RAD51B: variants seen among roughly 807,000 people sequenced by gnomAD.
The protein encoded by RAD51B is DNA repair protein RAD51 homolog 2.
Under a neutral mutation model 42.2 loss-of-function variants are expected in RAD51B, and 38 were observed. The ratio of observed to expected loss-of-function variants is 0.90; its 90% CI spans 0.70 to 1.18. RAD51B has a LOEUF of 1.18. RAD51B is among the 50% of genes most tolerant of loss of function. RAD51B has a pLI of 0.00. For missense variants in RAD51B, 373 were observed against 400.7 expected (o/e 0.93, Z 0.59); for synonymous variants, 154 against 145.2 (o/e 1.06, Z -0.43).
intron 7 of RAD51B, among the ~76,000 whole-genome samples, chr14:68,254,208 T>G (rs1259755502): frequency 6.6e-6 from 1 of 152,228 alleles, no homozygotes; most frequent in Non-Finnish European, 1.5e-5. Flanking sequence ...TGAATGATTT[T>G]GTGGAATCTC....
At chr14:67,919,959 C>CA (rs1555415440) in intron 7 of RAD51B, among the ~76,000 whole-genome samples, 2 of 151,056 alleles carry the variant, frequency 1.3e-5, no homozygotes, top group African/African-American at 4.9e-5. Context: ...GAAAAGAAAG[C>CA]TTTTTTTTTC....
At chr14:68,534,087 G>A (rs1310338253) in intron 10 of RAD51B, among the ~76,000 whole-genome samples, 1 of 152,196 alleles carries the variant, frequency 6.6e-6, no homozygotes, top group Admixed American at 6.5e-5. Context: ...TAACTGAGTG[G>A]TCAAAAAATT....
rs762758090 is a variant in RAD51B at position 67,825,488 on chromosome 14, G to T, written c.109G>T (p.Glu37Ter). Residue 37 changes from glutamate (E) to a stop codon, truncating the protein, a stop_gained, in exon 3 of 11, where the codon GAG (glutamate) becomes TAG (stop). Transcript: ENST00000471583. LOFTEE classifies it high-confidence loss of function. ...CQDFLCLSPL[E>*]LMKVTGLSYR... ...GGACTTTTTATGTCTTTCCCCACTG[G>T]AGCTTATGAAGGTGACTGGTCTGAG... 2 of 1,613,140 alleles carry T rather than the reference G, an allele frequency of 1.2e-6. No individual in the cohort carries two copies. The highest frequency in any genetic ancestry group is 1.1e-5 in the South Asian group (1 of 90,984).
chr14:67,896,653 T>C (rs1469596672), intron 7 of RAD51B, among the ~76,000 whole-genome samples: 1 of 152,218 alleles, frequency 6.6e-6, no homozygotes, highest in Non-Finnish European at 1.5e-5. Flanking sequence ...ATAAACAGTT[T>C]GAAATAGAAT....
chr14:68,435,467 A>G (rs1384831366), intron 9 of RAD51B, among the ~76,000 whole-genome samples: 1 of 150,210 alleles, frequency 6.7e-6, no homozygotes, highest in Non-Finnish European at 1.5e-5. Context: ...TGCTGCAATG[A>G]ACATCTAAGT....
At chr14:68,482,741 G>T (rs968806473), downstream of RAD51B, among the ~76,000 whole-genome samples, 8 of 152,222 alleles carry the variant, frequency 5.3e-5, no homozygotes, top group African/African-American at 1.7e-4. Context: ...AAGTGTGAGA[G>T]AAAACACACT....
At chr14:68,452,027 G>A (rs1182633727) in intron 9 of RAD51B, among the ~76,000 whole-genome samples, 2 of 152,212 alleles carry the variant, frequency 1.3e-5, no homozygotes, top group African/African-American at 4.8e-5. Flanking sequence ...GAAGGCCAGA[G>A]CTGCCTTGCC....
chr14:68,406,164 A>T (rs1369477517), intron 8 of RAD51B, among the ~76,000 whole-genome samples: 2 of 152,248 alleles, frequency 1.3e-5, no homozygotes, highest in African/African-American at 4.8e-5. Context: ...AGGCATGCTG[A>T]CATACATCAG....
At chr14:68,199,476 C>G (rs796198070) in intron 7 of RAD51B, among the ~76,000 whole-genome samples, 31 of 152,138 alleles carry the variant, frequency 2.0e-4, no homozygotes, top group African/African-American at 7.5e-4. Flanking sequence ...ACATTTATTC[C>G]CATTCAGTCT....
chr14:68,589,310 G>A (rs963006476), intron 10 of RAD51B, among the ~76,000 whole-genome samples: 9 of 152,186 alleles, frequency 5.9e-5, no homozygotes, highest in East Asian at 1.9e-4. Flanking sequence ...CAAACAGTGA[G>A]CATAGCCACC....
At chr14:68,630,925 A>G (rs889991586) in intron 10 of RAD51B, among the ~76,000 whole-genome samples, 1 of 152,074 alleles carries the variant, frequency 6.6e-6, no homozygotes, top group Non-Finnish European at 1.5e-5. Flanking sequence ...GTATTTGAAT[A>G]TTTTCTGGCA....
chr14:67,929,939 C>T (rs1010771680), intron 7 of RAD51B, among the ~76,000 whole-genome samples: 13 of 151,948 alleles, frequency 8.6e-5, no homozygotes, highest in Admixed American at 4.6e-4. Flanking sequence ...CAGGAGCCAT[C>T]GTGCCCAGCT....
At chr14:68,100,303 C>T (rs2077266771) in intron 7 of RAD51B, among the ~76,000 whole-genome samples, 1 of 152,150 alleles carries the variant, frequency 6.6e-6, no homozygotes, top group Non-Finnish European at 1.5e-5. Context: ...TGCAAAAACT[C>T]TGGCCTGTTG....
chr14:68,321,220 C>T (rs181600096), intron 8 of RAD51B, among the ~76,000 whole-genome samples: 24 of 152,150 alleles, frequency 1.6e-4, no homozygotes, highest in African/African-American at 4.8e-4. Context: ...ATGTTATGAT[C>T]TTCTCTCTTA....
At chr14:68,609,870 T>G (rs1891607537) in intron 10 of RAD51B, among the ~76,000 whole-genome samples, 1 of 151,972 alleles carries the variant, frequency 6.6e-6, no homozygotes, top group Non-Finnish European at 1.5e-5. Context: ...CACCCACCCT[T>G]TGCCTCCCCT....
intron 11 of RAD51B, among the ~76,000 whole-genome samples, chr14:68,674,290 A>C (rs1246980877): frequency 6.6e-6 from 1 of 152,164 alleles, no homozygotes; most frequent in African/African-American, 2.4e-5. Flanking sequence ...ATATACTTAC[A>C]TATACACACG....
intron 10 of RAD51B, among the ~76,000 whole-genome samples, chr14:68,522,327 T>C (rs1037687278): frequency 1.3e-5 from 2 of 152,180 alleles, no homozygotes; most frequent in African/African-American, 2.4e-5. Context: ...TTCTGTCTCC[T>C]GAGAGAGAAA....
intron 10 of RAD51B, among the ~76,000 whole-genome samples, chr14:68,579,584 A>G (rs1167893336): frequency 1.3e-5 from 2 of 152,216 alleles, no homozygotes; most frequent in East Asian, 1.9e-4. Context: ...AGCCATATGT[A>G]TACCGAAAAA....
chr14:68,415,836 A>G (rs2140094635), intron 9 of RAD51B, among the ~76,000 whole-genome samples: 1 of 152,370 alleles, frequency 6.6e-6, no homozygotes, highest in South Asian at 2.1e-4. Context: ...CTTACAAACT[A>G]CAAATGGGAT....
Sources: allele counts gnomAD v4.1 joint callset (sites outside exome capture counted in the v4.1 genomes callset), GRCh38; gene constraint gnomAD v4.1.1; transcripts MANE v1.5; gene names NCBI Gene and HGNC (gene_info 2026-07-23, HGNC 2026-07-21).